Variants in EIF3A observed in about 807,000 individuals in gnomAD.
EIF3A encodes the protein EIF3, p180 subunit.
In EIF3A, 21 loss-of-function variants were observed where a neutral mutation model predicts 186.6. The ratio of observed to expected loss-of-function variants is 0.11; its 90% CI spans 0.08 to 0.16. EIF3A has a LOEUF of 0.16. Among genes scored for constraint, EIF3A ranks in the 10% least tolerant of loss-of-function variants. EIF3A has a pLI of 1.00. For missense variants in EIF3A, 1,306 were observed against 1,796.3 expected, an observed-to-expected ratio of 0.73 and a Z score of 4.93; for synonymous variants, 563 against 584.3, an observed-to-expected ratio of 0.96 and a Z score of 0.52.
intron 20 of EIF3A, among the ~76,000 whole-genome samples, chr10:119,037,827 C>A (rs1209918615): frequency 6.6e-6 from 1 of 151,616 alleles, no homozygotes; most frequent in Non-Finnish European, 1.5e-5. Flanking sequence ...GATGGCTGGA[C>A]TGGTTCCAAT....
intron 11 of EIF3A, 39 bp from the exon 12 acceptor site, chr10:119,058,342 A>G: frequency 2.1e-6 from 3 of 1,407,034 alleles, no homozygotes; most frequent in Non-Finnish European, 2.9e-6. Flanking sequence ...GACCAAAATT[A>G]ACATTCTCTG....
chr10:119,046,818 A>T (rs778430110), intron 17 of EIF3A, among the ~76,000 whole-genome samples: 1 of 152,074 alleles, frequency 6.6e-6, no homozygotes, highest in Non-Finnish European at 1.5e-5. Flanking sequence ...TTAGCCGGGC[A>T]TGGTGGCACA....
chr10:119,048,099 G>C (rs906526243), intron 17 of EIF3A, among the ~76,000 whole-genome samples: 1 of 151,858 alleles, frequency 6.6e-6, no homozygotes, highest in African/African-American at 2.4e-5. Context: ...TGAAACGGCA[G>C]CAACACGGAA....
chr10:119,055,707 A>C (rs1843766922), intron 14 of EIF3A, among the ~76,000 whole-genome samples: 1 of 152,178 alleles, frequency 6.6e-6, no homozygotes, highest in Non-Finnish European at 1.5e-5. Context: ...CAATAAAGTG[A>C]AGCACAATAA....
chr10:119,059,810 T>C, intron 9 of EIF3A, 92 bp from the exon 10 acceptor site: 1 of 853,826 alleles, frequency 1.2e-6, no homozygotes, highest in Admixed American at 1.8e-5. Flanking sequence ...AAGTAGAAAT[T>C]ATGCCAGAGA....
At chr10:119,041,771 CAA>C (rs1848211773) in intron 19 of EIF3A, among the ~76,000 whole-genome samples, 2 of 152,236 alleles carry the variant, frequency 1.3e-5, no homozygotes, top group African/African-American at 4.8e-5. Flanking sequence ...AGAAGGAAAA[CAA>C]AGAGCACATC....
In EIF3A at chr10:119,065,552, A is replaced by G. The variant is rs1406269931; in HGVS notation, c.969T>C (p.Leu323=). The G allele has an allele frequency of 6.2e-7, 1 of 1,611,514 alleles. No homozygotes were observed. The highest frequency in any genetic ancestry group is 1.7e-5 in the Admixed American group (1 of 59,838). ...DEMQRMSTRV[L]LATLSIPITP... is the part of the protein sequence containing the mutation. ...TAATAGGGATGGAAAGAGTGGCTAA[A>G]AGGACTCTAGTAGACATTCTATGGA... Residue 323 remains leucine (L), a synonymous_variant, in exon 7 of 22, where the codon CTT becomes CTC. Coordinates refer to ENST00000369144, the MANE Select transcript of EIF3A (RefSeq NM_003750.4).
Position 119,042,670 on chromosome 10 carries a change from A to G in EIF3A, c.2850T>C (p.Leu950=). Residue 950 remains leucine (L), a synonymous_variant, in exon 19 of 22, where the codon CTT becomes CTC. Coordinates refer to ENST00000369144, the MANE Select transcript of EIF3A (RefSeq NM_003750.4). This position sits in a 1 kb window ranked among gnomAD's most constrained non-coding sequence, Gnocchi z 7.8. ...GGGGAACCCGATCATCGTCTGGTCT[A>G]AGAGAGGGCTCTCTATCTTCATCAT... ...LGDDEDREPS[L]RPDDDRVPRR... 3 of 1,614,112 alleles carry G rather than the reference A, an allele frequency of 1.9e-6. No homozygotes were observed. The highest frequency in any genetic ancestry group is 2.5e-6 in the Non-Finnish European group (3 of 1,180,028).
chr10:119,080,491 G>T, intron 1 of EIF3A, 137 bp downstream of exon 1: 1 of 1,397,674 alleles, frequency 7.2e-7, no homozygotes. Context: ...CCACCGGCTG[G>T]GACAGCGGCG....
chr10:119,064,794 G>A (rs1047351888), intron 7 of EIF3A, among the ~76,000 whole-genome samples: 4 of 152,126 alleles, frequency 2.6e-5, no homozygotes, highest in Non-Finnish European at 5.9e-5. Flanking sequence ...TGCAACCTCC[G>A]CCTCCCGGGT....
chr10:119,042,069 G>A lies in EIF3A; in HGVS notation c.3451C>T (p.Arg1151Cys), dbSNP rs758053186. Residue 1151 changes from arginine (R) to cysteine (C), a missense_variant, in exon 19 of 22, where the codon CGT becomes TGT. Arg to Cys is a radical substitution (Grantham distance 180, BLOSUM62 -3). This residue lies in a region of EIF3A where 331 missense variants were observed against 365.8 expected (regional missense o/e 0.90). Coordinates refer to ENST00000369144, the MANE Select transcript of EIF3A (RefSeq NM_003750.4). This position sits in a 1 kb window ranked among gnomAD's most constrained non-coding sequence, Gnocchi z 7.8. The stretch of plus-strand genomic sequence containing the variant: ...CTGGGAAACCGATCATCATCAGCAC[G>A]TCTTGAAAGGCGATCATCATCCATG... ...RNMDDDRLSR[R>C]ADDDRFPRRG... 59 of 1,614,044 alleles carry A rather than the reference G, an allele frequency of 3.7e-5. No individual in the cohort carries two copies.
intron 7 of EIF3A, 71 bp from the exon 8 acceptor site, chr10:119,061,399 AATG>A: frequency 3.0e-6 from 2 of 665,658 alleles, no homozygotes; most frequent in Non-Finnish European, 5.2e-6. Context: ...ACTTAGTATA[AATG>A]ATAGCATTGG....
In EIF3A at chr10:119,034,640, T is replaced by A. The variant is rs971291051; in HGVS notation, c.*1399A>T. 1 of 152,246 alleles carries A rather than the reference T, an allele frequency of 6.6e-6. No homozygotes were observed. Among genetic ancestry groups the A allele is most frequent in the Non-Finnish European group, 1.5e-5 (1 of 68,050 alleles). 9.4% of individuals were successfully genotyped at this position (152,246 alleles called of 1,614,324 possible). A position where few individuals can be genotyped will look rare whatever the true frequency, so the allele number is the denominator to read the frequency against. On this transcript the variant is annotated 3_prime_UTR_variant, in exon 22 of 22. Transcript: ENST00000369144. ...AGTTAAAAAGCATCAATACTCCCTC[T>A]TCTGGCCCTACAGCTGTACCAATAG... is the stretch of plus-strand genomic sequence containing the variant.
Position 119,060,771 on chromosome 10 carries a change from T to G in EIF3A, c.1301A>C (p.Asn434Thr), listed in dbSNP as rs770985156. 2.5e-6 allele frequency: 4 copies of G among 1,610,812 alleles called. No individual in the cohort carries two copies. Among genetic ancestry groups the G allele is most frequent in the Middle Eastern group, 1.7e-4 (1 of 6,060 alleles). Reference sequence around the variant, plus strand: ...CTGCTGCAGAAGGCGGAGGATGGTGTTGTTTTGCAGTTGTGGCACATACTG... The same window carrying G: ...CTGCTGCAGAAGGCGGAGGATGGTGGTGTTTTGCAGTTGTGGCACATACTG... ...LQQYVPQLQN[N>T]TILRLLQQVS... The change falls in exon 9 of 22, where the codon AAC (asparagine) becomes ACC (threonine). Residue 434 changes from asparagine (N) to threonine (T), a missense_variant. Transcript: ENST00000369144.
At chr10:119,046,081 G>C (rs547762357) in intron 17 of EIF3A, among the ~76,000 whole-genome samples, 1 of 152,268 alleles carries the variant, frequency 6.6e-6, no homozygotes, top group South Asian at 2.1e-4. Context: ...TGAATCCTTA[G>C]ACCAAAAGGG....
chr10:119,056,521 T>A (rs1301967219), intron 14 of EIF3A, among the ~76,000 whole-genome samples: 2 of 152,214 alleles, frequency 1.3e-5, no homozygotes, highest in Non-Finnish European at 2.9e-5. Flanking sequence ...AGCAGTTTTT[T>A]ATAAAATGGG....
intron 10 of EIF3A, 76 bp downstream of exon 10, chr10:119,059,526 A>C (rs1220762064): frequency 7.4e-7 from 1 of 1,360,296 alleles, no homozygotes; most frequent in African/African-American, 1.5e-5. Context: ...CACTGTACCA[A>C]AAGCTGAGAA....
chr10:119,076,289 C>T (rs571190539), intron 1 of EIF3A, among the ~76,000 whole-genome samples: 3 of 145,822 alleles, frequency 2.1e-5, no homozygotes, highest in South Asian at 4.4e-4. Context: ...GCCGAGATAG[C>T]GCCACTGTAC....
intron 17 of EIF3A, among the ~76,000 whole-genome samples, chr10:119,045,798 A>C (rs1848275142): frequency 6.6e-6 from 1 of 152,136 alleles, no homozygotes; most frequent in Non-Finnish European, 1.5e-5. Context: ...CCCAGGCTCA[A>C]GCGATCCGCT....
Sources: allele counts gnomAD v4.1 joint callset (sites outside exome capture counted in the v4.1 genomes callset), GRCh38; gene constraint gnomAD v4.1.1; regional missense constraint gnomAD v4.1.1; non-coding constraint Gnocchi (gnomAD v3.1); transcripts MANE v1.5; gene names NCBI Gene and HGNC (gene_info 2026-07-23, HGNC 2026-07-21).